ZNF600: variants seen among roughly 807,000 people sequenced by gnomAD.
ZNF600 encodes zinc finger protein 600.
In ZNF600, 4 loss-of-function variants were observed where a neutral mutation model predicts 7.3. The ratio of observed to expected loss-of-function variants is 0.55; its 90% CI spans 0.27 to 1.25. ZNF600 has a LOEUF of 1.25. ZNF600 is among the 50% of genes most tolerant of loss of function. The pLI is 0.12. For synonymous variants in ZNF600, 290 were observed against 308.9 expected, an observed-to-expected ratio of 0.94 and a Z score of 0.64; for missense variants, 911 against 922.1, an observed-to-expected ratio of 0.99 and a Z score of 0.16.
At chr19:52,821,736 C>T in the ZNF600 span, 1 of 152,120 alleles carries the variant, frequency 6.6e-6, no homozygotes, top group Non-Finnish European at 1.5e-5. Flanking sequence ...AGCGGCGAGA[C>T]CTTGCCCTTT....
chr19:52,821,695 G>A, the ZNF600 span: 1 of 152,154 alleles, frequency 6.6e-6, no homozygotes. Flanking sequence ...GGAGGCGAGC[G>A]GGGCCCGGGT....
the ZNF600 span, among the ~76,000 whole-genome samples, chr19:52,812,380 T>C: frequency 2.9e-5 from 4 of 139,534 alleles, no homozygotes; most frequent in East Asian, 2.0e-4. Context: ...TCTGTGTGGA[T>C]AGAAGTAGAC....
the ZNF600 span, among the ~76,000 whole-genome samples, chr19:52,819,388 C>A: frequency 8.3e-6 from 1 of 120,274 alleles, no homozygotes; most frequent in East Asian, 2.1e-4. Flanking sequence ...CTCTTTCTTC[C>A]ATTCTATTGC....
the ZNF600 span, among the ~76,000 whole-genome samples, chr19:52,812,632 AGGCC>A: frequency 7.7e-6 from 1 of 130,622 alleles, no homozygotes; most frequent in Non-Finnish European, 1.6e-5. Context: ...ACACTGCGGA[AGGCC>A]GCAGGGACCT....
chr19:52,785,616 CCTCTT>C (rs952174334), intron 1 of ZNF600, among the ~76,000 whole-genome samples: 3 of 152,066 alleles, frequency 2.0e-5, no homozygotes, highest in African/African-American at 2.4e-5. Context: ...TATATTACAG[CCTCTT>C]CTCTTATCTC....
At chr19:52,782,228 A>C (rs1057307165) in intron 1 of ZNF600, among the ~76,000 whole-genome samples, 2 of 152,080 alleles carry the variant, frequency 1.3e-5, no homozygotes, top group African/African-American at 4.8e-5. Flanking sequence ...TGTCTCAAAA[A>C]AATAAAAATT....
upstream of ZNF600, among the ~76,000 whole-genome samples, chr19:52,787,875 AAAG>A (rs2062778909): frequency 1.5e-4 from 16 of 105,350 alleles, no homozygotes; most frequent in African/African-American, 6.0e-4. Context: ...AAAAAAAGAA[AAAG>A]AAAAAGAAAA....
At chr19:52,798,603 T>C in the ZNF600 span, 1 of 462,614 alleles carries the variant, frequency 2.2e-6, no homozygotes. Context: ...ATCACACTTG[T>C]GAGTTTCTCT....
the ZNF600 span, among the ~76,000 whole-genome samples, chr19:52,792,857 C>T: frequency 4.4e-4 from 67 of 151,854 alleles, no homozygotes; most frequent in Non-Finnish European, 6.9e-4. Context: ...CTCAGCCTCC[C>T]GAGTAGCTGG....
the ZNF600 span, among the ~76,000 whole-genome samples, chr19:52,827,917 G>A: frequency 3.3e-5 from 5 of 152,180 alleles, no homozygotes; most frequent in African/African-American, 1.2e-4. Context: ...AACGTGTCAC[G>A]CAGGACGCTT....
the ZNF600 span, among the ~76,000 whole-genome samples, chr19:52,816,765 A>G: frequency 6.6e-6 from 1 of 151,828 alleles, no homozygotes; most frequent in African/African-American, 2.4e-5. Context: ...TGGGAGACAG[A>G]GGTTGTAGTA....
In ZNF600 at chr19:52,766,914, T is replaced by C. The variant is rs1290480366; in HGVS notation, c.1049A>G (p.Lys350Arg). ...AAGGTTTGATTGCTGATTAAAAGCT[T>C]TGTCACATTCATTACACTTGTAAGG... Residue 350 changes from lysine (K) to arginine (R), a missense_variant, in exon 4 of 4, where the codon AAA becomes AGA. Coordinates refer to ENST00000648973, the Ensembl canonical transcript of ZNF600. The C allele has an allele frequency of 6.2e-6, 10 of 1,614,210 alleles. 1 individual carries two copies. The highest frequency in any genetic ancestry group is 2.2e-5 in the South Asian group (2 of 91,088).
the ZNF600 span, chr19:52,817,795 CGAGAT>C: frequency 6.5e-7 from 1 of 1,529,922 alleles, no homozygotes; most frequent in Non-Finnish European, 8.9e-7. Flanking sequence ...GGAATCTAAG[CGAGAT>C]GAGATGAACT....
chr19:52,767,676 T>C, exon 4 of ZNF600: 1 of 1,614,116 alleles, frequency 6.2e-7, no homozygotes, highest in Non-Finnish European at 8.5e-7. Flanking sequence ...TCCAATGTGA[T>C]AACTTTGATA....
At chr19:52,828,215 CTAA>C in the ZNF600 span, among the ~76,000 whole-genome samples, 1 of 151,850 alleles carries the variant, frequency 6.6e-6, no homozygotes, top group South Asian at 2.1e-4. Context: ...CCATGCATGG[CTAA>C]TTGTTGCATT....
chr19:52,781,966 CAGG>C (rs1379333366), intron 1 of ZNF600, among the ~76,000 whole-genome samples: 2 of 145,958 alleles, frequency 1.4e-5, no homozygotes, highest in Non-Finnish European at 3.0e-5. Context: ...GATGCTGAGG[CAGG>C]AGAATCGCTT....
chr19:52,774,674 T>C, exon 3 of ZNF600: 3 of 985,342 alleles, frequency 3.0e-6, no homozygotes, highest in Non-Finnish European at 3.6e-6. Flanking sequence ...GAGAATTCTA[T>C]AGCCACATCC....
intron 1 of ZNF600, among the ~76,000 whole-genome samples, chr19:52,785,359 C>T (rs1320154971): frequency 6.6e-6 from 1 of 151,922 alleles, no homozygotes; most frequent in Non-Finnish European, 1.5e-5. Context: ...AAAGGTTTCT[C>T]CTGCCTCAGC....
At chr19:52,826,314 T>C in the ZNF600 span, among the ~76,000 whole-genome samples, 1 of 152,174 alleles carries the variant, frequency 6.6e-6, no homozygotes, top group East Asian at 1.9e-4. Context: ...CAAATGCTTG[T>C]AATCCCAGCA....
Sources: gnomAD v4.1 joint callset for allele counts (sites outside exome capture counted in the v4.1 genomes callset) on GRCh38, gnomAD v4.1.1 for gene constraint, MANE v1.5 for transcripts, NCBI Gene and HGNC (gene_info 2026-07-23, HGNC 2026-07-21) for gene names.